HFM1: variants seen among roughly 807,000 people sequenced by gnomAD.
HFM1 encodes the protein helicase for meiosis 1.
Under a neutral mutation model 192.1 loss-of-function variants are expected in HFM1, and 169 were observed. The observed-to-expected ratio is 0.88, with a 90% CI of 0.78 to 1.00. The LOEUF is 1.00. Among genes scored for constraint, HFM1 ranks in the 50% least tolerant of loss-of-function variants. The pLI is 0.00. For synonymous variants in HFM1, 525 were observed against 537.8 expected, an observed-to-expected ratio of 0.98 and a Z score of 0.33; for missense variants, 1,661 against 1,668.0, an observed-to-expected ratio of 1.00 and a Z score of 0.07.
At chr1:91,378,568 G>C in intron 9 of HFM1, 88 bp from the exon 10 acceptor site, 1 of 765,544 alleles carries the variant, frequency 1.3e-6, no homozygotes, top group South Asian at 2.1e-5. Flanking sequence ...TTAACATGAC[G>C]TATTACAAAT....
At chr1:91,356,527 G>A (rs1657762702) in intron 13 of HFM1, among the ~76,000 whole-genome samples, 1 of 151,864 alleles carries the variant, frequency 6.6e-6, no homozygotes, top group Non-Finnish European at 1.5e-5. Context: ...TAAATAGACA[G>A]CCTAACATTA....
At chr1:91,372,174 T>G (rs1056513994) in intron 13 of HFM1, among the ~76,000 whole-genome samples, 4 of 152,164 alleles carry the variant, frequency 2.6e-5, no homozygotes, top group African/African-American at 7.2e-5. Context: ...GTGGAAGTCA[T>G]TGTGGCGATT....
chr1:91,377,108 G>A lies in HFM1; in HGVS notation c.1395+917C>T, dbSNP rs1410897880. 8.0e-5 allele frequency among the ~76,000 whole-genome samples: 12 copies of A among 149,836 alleles called. No individual in the cohort carries two copies. In the East Asian group the frequency reaches 2.2e-3, roughly 27 times the overall value. On this transcript the variant is annotated intron_variant, in intron 11 of 38. Transcript: ENST00000370425. Reference sequence around the variant, plus strand: ...AGGTGAAATGCAGGTCAAAAAAAGAGTATGTACATTATGATTCCTACATGC... The same window carrying A: ...AGGTGAAATGCAGGTCAAAAAAAGAATATGTACATTATGATTCCTACATGC...
At chr1:91,376,625 G>T (rs2101976344) in intron 11 of HFM1, among the ~76,000 whole-genome samples, 1 of 151,462 alleles carries the variant, frequency 6.6e-6, no homozygotes, top group South Asian at 2.1e-4. Context: ...ACATAACCTG[G>T]CAAGTTTTAA....
In HFM1 at chr1:91,352,018, T is replaced by TTCCC. The variant is rs572897639; in HGVS notation, c.1978-379_1978-376dup. Among the ~76,000 whole-genome samples the TTCCC allele has an allele frequency of 2.0e-3, 299 of 152,040 alleles. 3 individuals carry two copies. Among genetic ancestry groups the TTCCC allele is most frequent in the African/African-American group, 6.7e-3 (280 of 41,548 alleles). On this transcript the variant is annotated intron_variant, in intron 16 of 38. Coordinates refer to ENST00000370425, the MANE Select transcript of HFM1 (RefSeq NM_001017975.6). ...TTTTGAAAATATAATCTTCCTGATGTTCCCATAATACCTATAAAAATGACT... is the reference window on the plus strand; with the variant it reads ...TTTTGAAAATATAATCTTCCTGATGTTCCCTCCCATAATACCTATAAAAATGACT...
At chr1:91,347,825 C>A (rs1398462082) in intron 18 of HFM1, among the ~76,000 whole-genome samples, 2 of 152,086 alleles carry the variant, frequency 1.3e-5, no homozygotes, top group Non-Finnish European at 2.9e-5. Context: ...ACTACACATA[C>A]CCTTTAACAC....
intron 30 of HFM1, among the ~76,000 whole-genome samples, chr1:91,288,236 G>A (rs1283692793): frequency 2.6e-5 from 4 of 151,652 alleles, no homozygotes; most frequent in Admixed American, 2.6e-4. Flanking sequence ...TTGAAATGAA[G>A]GAAAAAATGT....
intron 13 of HFM1, among the ~76,000 whole-genome samples, chr1:91,368,758 T>C (rs999879138): frequency 2.1e-4 from 32 of 152,096 alleles, no homozygotes; most frequent in African/African-American, 7.7e-4. Context: ...ATATTAACCT[T>C]AACTGTAAAT....
chr1:91,286,146 AG>A (rs1197269244), intron 30 of HFM1, among the ~76,000 whole-genome samples: 1 of 152,218 alleles, frequency 6.6e-6, no homozygotes, highest in Non-Finnish European at 1.5e-5. Context: ...GAGAAATATC[AG>A]CACCCCTAGA....
chr1:91,405,366 A>G (rs188225200), upstream of HFM1, among the ~76,000 whole-genome samples: 223 of 152,360 alleles, frequency 1.5e-3, no homozygotes, highest in Admixed American at 2.4e-3. Flanking sequence ...TGAACAAACT[A>G]TAAATTATCC....
At chr1:91,404,657 C>T in intron 1 of HFM1, 141 bp downstream of exon 1, 1 of 281,524 alleles carries the variant, frequency 3.6e-6, no homozygotes. Flanking sequence ...CAACAACTCG[C>T]CGCGCCCGTC....
chr1:91,261,662 T>A (rs556677614), intron 38 of HFM1: 9 of 186,712 alleles, frequency 4.8e-5, no homozygotes, highest in African/African-American at 1.6e-4. Flanking sequence ...AACTAATTGA[T>A]CACAACCAGT....
Position 91,377,815 on chromosome 1 carries a change from C to T in HFM1, c.1395+210G>A, listed in dbSNP as rs1661077419. 7 of 551,222 alleles carry T rather than the reference C, an allele frequency of 1.3e-5. No homozygotes were observed. In the East Asian group the frequency reaches 1.9e-4, roughly 15 times the overall value. The allele number at this position is 551,222 out of a possible 1,614,324, so 34.1% of individuals were successfully genotyped here. ...TAGATACTAGCAAACGAGATGTCCACATGTCCACAAAAAATGTTTTATTAA... is the reference window on the plus strand; with the variant it reads ...TAGATACTAGCAAACGAGATGTCCATATGTCCACAAAAAATGTTTTATTAA... On this transcript the variant is annotated intron_variant, in intron 11 of 38. Transcript: ENST00000370425.
chr1:91,292,855 A>C (rs1570817807), intron 30 of HFM1, among the ~76,000 whole-genome samples: 4 of 152,270 alleles, frequency 2.6e-5, no homozygotes, highest in African/African-American at 9.6e-5. Flanking sequence ...CAAAACAGAG[A>C]TATAGATCAA....
chr1:91,300,478 C>CA (rs1424667397), intron 30 of HFM1, among the ~76,000 whole-genome samples: 1 of 151,670 alleles, frequency 6.6e-6, no homozygotes, highest in East Asian at 1.9e-4. Context: ...AGAGACACAA[C>CA]AAAAAAAGAG....
intron 6 of HFM1, among the ~76,000 whole-genome samples, chr1:91,382,259 G>A (rs1038305862): frequency 2.0e-5 from 3 of 152,080 alleles, no homozygotes; most frequent in African/African-American, 7.2e-5. Flanking sequence ...AATCCCAGCA[G>A]TCCCAATTTA....
intron 13 of HFM1, among the ~76,000 whole-genome samples, chr1:91,370,883 T>C (rs1363139042): frequency 6.6e-6 from 1 of 152,168 alleles, no homozygotes; most frequent in African/African-American, 2.4e-5. Flanking sequence ...GATAGATAAC[T>C]TCAGCAAAGT....
chr1:91,310,948 A>G (rs879243859), intron 30 of HFM1, among the ~76,000 whole-genome samples: 1 of 152,238 alleles, frequency 6.6e-6, no homozygotes, highest in Admixed American at 6.5e-5. Flanking sequence ...CTGAAAAGAT[A>G]CCCAAATATG....
rs551082458 is a variant in HFM1, at chr1:91,404,641, G to C, written c.-28+157C>G. 312 of 275,666 alleles carry C rather than the reference G, an allele frequency of 1.1e-3. 3 individuals are homozygous for C. Among genetic ancestry groups the C allele is most frequent in the South Asian group, 7.4e-3 (274 of 36,968 alleles). 17.1% of individuals were successfully genotyped at this position (275,666 alleles called of 1,614,324 possible). On this transcript the variant is annotated intron_variant, in intron 1 of 38. Coordinates refer to ENST00000370425, the MANE Select transcript of HFM1 (RefSeq NM_001017975.6). ...GCGGGCCGGCGGCCTGGAGACGCCT[G>C]GTGACCAACAACTCGCCGCGCCCGT... is the stretch of plus-strand genomic sequence containing the variant.
Sources: gnomAD v4.1 joint callset for allele counts (sites outside exome capture counted in the v4.1 genomes callset) on GRCh38, gnomAD v4.1.1 for gene constraint, MANE v1.5 for transcripts, NCBI Gene and HGNC (gene_info 2026-07-23, HGNC 2026-07-21) for gene names.